Variants in EBF1 observed in about 807,000 individuals in gnomAD.
EBF1 encodes EBF transcription factor 1, also known as transcription factor COE1.
EBF1 carries 10 observed loss-of-function variants against 68.4 expected under a neutral mutation model. That is an observed-to-expected ratio of 0.15 (90% CI 0.09 to 0.25). The LOEUF is 0.25. Ranked by LOEUF, EBF1 falls within the 10% of genes least tolerant of loss-of-function variation. The pLI is 1.00. For missense variants in EBF1, 509 were observed against 794.4 expected (o/e 0.64, Z 4.32); for synonymous variants, 298 against 299.8 (o/e 0.99, Z 0.06).
intron 6 of EBF1, among the ~76,000 whole-genome samples, chr5:158,953,012 T>G (rs1315785919): frequency 6.6e-6 from 1 of 151,970 alleles, no homozygotes; most frequent in Non-Finnish European, 1.5e-5. Flanking sequence ...TTTAAGCAAG[T>G]GAGCATTACA....
chr5:158,773,179 G>GA (rs1561882366), intron 10 of EBF1, among the ~76,000 whole-genome samples: 2 of 151,950 alleles, frequency 1.3e-5, no homozygotes, highest in South Asian at 2.1e-4. Context: ...GGGATAGGGA[G>GA]AAAAAACGGA....
intron 2 of EBF1, 96 bp from the exon 3 acceptor site, chr5:159,096,502 G>T: frequency 2.1e-6 from 3 of 1,433,068 alleles, no homozygotes; most frequent in Admixed American, 3.9e-5. Flanking sequence ...CCCAAGCCGG[G>T]ACCCCCGCTG....
At chr5:159,044,740 C>T (rs544803632) in intron 6 of EBF1, among the ~76,000 whole-genome samples, 20 of 152,252 alleles carry the variant, frequency 1.3e-4, no homozygotes, top group African/African-American at 4.6e-4. Flanking sequence ...TTCAATTATA[C>T]GTAGTGTTAA....
chr5:158,968,176 T>C (rs1038582267), intron 6 of EBF1, among the ~76,000 whole-genome samples: 10 of 152,178 alleles, frequency 6.6e-5, no homozygotes, highest in African/African-American at 2.4e-4. Context: ...CAAGAAGAGT[T>C]AATCAAGCAT....
rs1468075962 is a variant in EBF1, at chr5:159,099,552, G to GAAAGA, written c.-79_-75dup. On this transcript the variant is annotated 5_prime_UTR_variant, in exon 1 of 16. Transcript: ENST00000313708. ...AAAAAAAAAAAAAAAGGAAAGAAAA[G>GAAAGA]AAAGAAAAGAAAAGAAACAAAAACG... The GAAAGA allele has an allele frequency of 1.2e-5, 16 of 1,303,818 alleles. No homozygotes were observed. The highest frequency in any genetic ancestry group is 1.5e-5 in the Non-Finnish European group (15 of 1,007,398). The allele number at this position is 1,303,818 out of a possible 1,614,324, so 80.8% of individuals were successfully genotyped here. A position where few individuals can be genotyped will look rare whatever the true frequency, so the allele number is the denominator to read the frequency against.
At chr5:158,699,243 A>G (rs1210205997) in intron 15 of EBF1, 101 bp from the exon 16 acceptor site, 2 of 1,210,574 alleles carry the variant, frequency 1.7e-6, no homozygotes, top group Admixed American at 2.5e-5. Flanking sequence ...ACACACAACT[A>G]TGTTGTTCGA....
At chr5:158,724,546 A>C (rs1432425062) in intron 11 of EBF1, among the ~76,000 whole-genome samples, 1 of 152,214 alleles carries the variant, frequency 6.6e-6, no homozygotes, top group Non-Finnish European at 1.5e-5. Context: ...ATAAAAGCAT[A>C]ATTAGAATAC....
intron 7 of EBF1, among the ~76,000 whole-genome samples, chr5:158,828,878 C>T (rs1225279946): frequency 1.3e-5 from 2 of 152,136 alleles, no homozygotes; most frequent in Non-Finnish European, 2.9e-5. Flanking sequence ...TATCAAGCCA[C>T]AGACAGTCAT....
chr5:158,744,964 C>T (rs1767221887), intron 10 of EBF1, among the ~76,000 whole-genome samples: 1 of 152,148 alleles, frequency 6.6e-6, no homozygotes, highest in South Asian at 2.1e-4. Flanking sequence ...AAGTTAATGA[C>T]TTAAGGTACC....
intron 6 of EBF1, among the ~76,000 whole-genome samples, chr5:159,000,031 T>C (rs1368898116): frequency 6.6e-6 from 1 of 152,198 alleles, no homozygotes; most frequent in Non-Finnish European, 1.5e-5. Context: ...CTATTTTCCT[T>C]ATAATACTAC....
At chr5:158,777,316 T>C in intron 10 of EBF1, 97 bp downstream of exon 10, 1 of 1,305,656 alleles carries the variant, frequency 7.7e-7, no homozygotes, top group Non-Finnish European at 1.0e-6. Context: ...TTAACTAGAT[T>C]TTAAAATAAA....
chr5:159,062,645 C>A (rs974305568), intron 6 of EBF1, among the ~76,000 whole-genome samples: 2 of 152,204 alleles, frequency 1.3e-5, no homozygotes, highest in Admixed American at 1.3e-4. Context: ...ACACTGATTT[C>A]GCGTTTGACA....
intron 6 of EBF1, among the ~76,000 whole-genome samples, chr5:158,852,233 G>A (rs1392142991): frequency 1.3e-5 from 2 of 151,796 alleles, no homozygotes; most frequent in East Asian, 3.9e-4. Flanking sequence ...AGGTGTGGGG[G>A]GTGGGGGACA....
intron 6 of EBF1, among the ~76,000 whole-genome samples, chr5:158,982,542 G>T (rs1758098030): frequency 6.6e-6 from 1 of 152,142 alleles, no homozygotes; most frequent in African/African-American, 2.4e-5. Flanking sequence ...ACAGTGCTTG[G>T]CACCTTGAAG....
chr5:159,059,586 G>C (rs571614243), intron 6 of EBF1, among the ~76,000 whole-genome samples: 51 of 152,234 alleles, frequency 3.4e-4, no homozygotes, highest in African/African-American at 1.1e-3. Flanking sequence ...TTAACCCTTT[G>C]AAACATTAAT....
At chr5:158,797,027 CAT>C (rs1779722427) in intron 8 of EBF1, among the ~76,000 whole-genome samples, 1 of 152,010 alleles carries the variant, frequency 6.6e-6, no homozygotes, top group African/African-American at 2.4e-5. Context: ...AAATAAATGT[CAT>C]AGATCCCATT....
At chr5:159,079,468 G>T (rs1779360958) in intron 5 of EBF1, among the ~76,000 whole-genome samples, 1 of 152,060 alleles carries the variant, frequency 6.6e-6, no homozygotes, top group Admixed American at 6.6e-5. Context: ...GGGCATCCAG[G>T]CCCTCAGCAT....
At chr5:158,984,519 G>A (rs901201407) in intron 6 of EBF1, among the ~76,000 whole-genome samples, 12 of 152,168 alleles carry the variant, frequency 7.9e-5, no homozygotes, top group Admixed American at 7.9e-4. Context: ...CATAGTAAGA[G>A]TGCCGTTTTC....
chr5:158,944,004 G>C lies in EBF1; in HGVS notation c.555-103894C>G, dbSNP rs1028058732. ...TAGACTTCCCATCAAAGCACTCCAAGCAGCCACAAGCAATTGATTTGTGTA... is the reference window on the plus strand; with the variant it reads ...TAGACTTCCCATCAAAGCACTCCAACCAGCCACAAGCAATTGATTTGTGTA... On this transcript the variant is annotated intron_variant, in intron 6 of 15. Coordinates refer to ENST00000313708, the MANE Select transcript of EBF1 (RefSeq NM_024007.5). 2.6e-5 allele frequency among the ~76,000 whole-genome samples: 4 copies of C among 152,182 alleles called. No homozygotes were observed. In the East Asian group the frequency reaches 7.7e-4, roughly 29 times the overall value.
Sources: gnomAD v4.1 joint callset for allele counts (sites outside exome capture counted in the v4.1 genomes callset) on GRCh38, gnomAD v4.1.1 for gene constraint, MANE v1.5 for transcripts, NCBI Gene and HGNC (gene_info 2026-07-23, HGNC 2026-07-21) for gene names.